GSG1L2: variants seen among roughly 807,000 people sequenced by gnomAD.
GSG1L2 encodes germ cell-specific gene 1-like protein 2.
GSG1L2 carries 15 observed loss-of-function variants against 9.0 expected under a neutral mutation model. That is an observed-to-expected ratio of 1.67 (90% CI 1.12 to 2.57). The LOEUF is 2.57. Ranked by LOEUF, GSG1L2 falls within the 30% of genes most tolerant of loss-of-function variation. GSG1L2 has a pLI of 0.00. For synonymous variants in GSG1L2, 127 were observed against 57.9 expected, an observed-to-expected ratio of 2.19 and a Z score of -5.41; for missense variants, 286 against 150.3, an observed-to-expected ratio of 1.90 and a Z score of -4.72.
At position 9,808,826 on chromosome 17, in the gene GSG1L2, G is replaced by A. The variant is rs115927330; in HGVS notation, c.511+4C>T. On this transcript the variant is annotated splice_donor_region_variant and intron_variant, in intron 3 of 4. Transcript: ENST00000399363. ...CCTGTTCCAAGGATGCTGTTGGAAA[G>A]TACCTGCCAGCACCATGAAGATGGC... is the stretch of plus-strand genomic sequence containing the variant. The A allele has an allele frequency of 2.2e-3, 1,561 of 702,828 alleles. 21 individuals are homozygous for A. In the African/African-American group the frequency reaches 0.024, roughly 11 times the overall value. The allele number at this position is 702,828 out of a possible 1,614,324, so 43.5% of individuals were successfully genotyped here. A position where few individuals can be genotyped will look rare whatever the true frequency, so the allele number is the denominator to read the frequency against.
rs2066527948 is a variant in GSG1L2, at chr17:9,809,072, C to T, written c.359-90G>A. ...TCCTTTGATTTAGTTCACTTCTAAA[C>T]AAAACATGAAAAACAGACACGCTGG... On this transcript the variant is annotated intron_variant, in intron 2 of 4. Coordinates refer to ENST00000399363, the MANE Select transcript of GSG1L2 (RefSeq NM_001310219.2). 15 of 657,274 alleles carry T rather than the reference C, an allele frequency of 2.3e-5. No homozygotes were observed. The South Asian group carries it at 2.5e-4, about 11-fold the overall frequency. 40.7% of individuals were successfully genotyped at this position (657,274 alleles called of 1,614,324 possible).
chr17:9,820,772 C>A lies in GSG1L2; in HGVS notation c.310+990G>T, dbSNP rs1402490987. 6.6e-6 allele frequency among the ~76,000 whole-genome samples: 1 copy of A among 151,978 alleles called. No individual in the cohort carries two copies. The highest frequency in any genetic ancestry group is 2.4e-5 in the African/African-American group (1 of 41,370). ...CAACCTCCCAGGCTCAAGTGATCCTCCCAGAGTAGCTGGGACCACAGGCAC... is the reference window on the plus strand; with the variant it reads ...CAACCTCCCAGGCTCAAGTGATCCTACCAGAGTAGCTGGGACCACAGGCAC... On this transcript the variant is annotated intron_variant, in intron 1 of 4. Coordinates refer to ENST00000399363, the MANE Select transcript of GSG1L2 (RefSeq NM_001310219.2). This position sits in a 1 kb window ranked among gnomAD's most constrained non-coding sequence, Gnocchi z 4.9.
Position 9,820,471 on chromosome 17 carries a change from G to C in GSG1L2, c.310+1291C>G, listed in dbSNP as rs1432548526. ...AGGAAGATAGCACTCCCTGAGAAGC[G>C]AGGAACTGTGGAGGTCCTAAATAGC... On this transcript the variant is annotated intron_variant, in intron 1 of 4. Coordinates refer to ENST00000399363, the MANE Select transcript of GSG1L2 (RefSeq NM_001310219.2). The surrounding 1 kb of genome is among the most constrained non-coding windows in gnomAD (Gnocchi z 4.9). Among the ~76,000 whole-genome samples the C allele has an allele frequency of 1.8e-5, 2 of 109,626 alleles. No individual in the cohort carries two copies. The highest frequency in any genetic ancestry group is 3.4e-5 in the Non-Finnish European group (2 of 59,654). 71.9% of individuals were successfully genotyped at this position (109,626 alleles called of 152,430 possible). A position where few individuals can be genotyped will look rare whatever the true frequency, so the allele number is the denominator to read the frequency against.
chr17:9,816,854 A>G (rs1210952783), intron 1 of GSG1L2, among the ~76,000 whole-genome samples: 6 of 56,824 alleles, frequency 1.1e-4, no homozygotes, highest in Admixed American at 2.3e-4. Flanking sequence ...GTTTCTGTGT[A>G]TCTGTATGTG....
At chr17:9,807,273 A>C (rs1227763456) in intron 4 of GSG1L2, among the ~76,000 whole-genome samples, 1 of 152,222 alleles carries the variant, frequency 6.6e-6, no homozygotes, top group Non-Finnish European at 1.5e-5. Flanking sequence ...TTATAAACAT[A>C]ATCTCTTTAA....
At chr17:9,802,831 T>C (rs1293150413) in intron 4 of GSG1L2, among the ~76,000 whole-genome samples, 187 bp from the exon 5 acceptor site, 1 of 152,046 alleles carries the variant, frequency 6.6e-6, no homozygotes, top group Non-Finnish European at 1.5e-5. Context: ...GTTAAGAGAA[T>C]GGATTCTGGA....
intron 1 of GSG1L2, among the ~76,000 whole-genome samples, chr17:9,816,528 C>G (rs779691706): frequency 6.4e-4 from 30 of 46,538 alleles, no homozygotes; most frequent in Middle Eastern, 0.029. Flanking sequence ...GTGTCTGTGT[C>G]TCTGTGTGCA....
chr17:9,816,522 CTG>C (rs1491196761), intron 1 of GSG1L2, among the ~76,000 whole-genome samples: 9 of 140,664 alleles, frequency 6.4e-5, no homozygotes. Flanking sequence ...GTGTGCGTGT[CTG>C]TGTCTCTGTG....
In GSG1L2 at chr17:9,802,269, A is replaced by T. The variant is rs76449463; in HGVS notation, c.*117T>A. ...AAAGGTGAGATGTGGAGGGGTGGGG[A>T]TGGAAGCTTTCCCTGGACAACAATC... is the stretch of plus-strand genomic sequence containing the variant. On this transcript the variant is annotated 3_prime_UTR_variant, in exon 5 of 5. Transcript: ENST00000399363. The T allele has an allele frequency of 6.2e-3, 3,547 of 575,522 alleles. 122 individuals carry two copies. The East Asian group carries it at 0.089, about 14-fold the overall frequency. 35.7% of individuals were successfully genotyped at this position (575,522 alleles called of 1,614,324 possible).
At chr17:9,808,290 A>T (rs554797712) in intron 3 of GSG1L2, among the ~76,000 whole-genome samples, 35 of 152,296 alleles carry the variant, frequency 2.3e-4, no homozygotes, top group Non-Finnish European at 4.1e-4. Flanking sequence ...GAGAACACAG[A>T]AGTAGATCTA....
Position 9,802,501 on chromosome 17 carries a change from T to G in GSG1L2, c.767A>C (p.Glu256Ala). The G allele has an allele frequency of 2.8e-6, 2 of 702,442 alleles. No individual in the cohort carries two copies. Among genetic ancestry groups the G allele is most frequent in the East Asian group, 5.4e-5 (2 of 37,242 alleles). 43.5% of individuals were successfully genotyped at this position (702,442 alleles called of 1,614,324 possible). ...TGTTTTCCAAATGCTCTCCGAAGCC[T>G]CGGGTTCCAGGAAGCTGTGTTGAGA... ...RHSQHSFLEP[E>A]ASESIWKTGA... Residue 256 changes from glutamate to alanine, a missense_variant, in exon 5 of 5, where the codon GAG (glutamate) becomes GCG (alanine). Coordinates refer to ENST00000399363, the MANE Select transcript of GSG1L2 (RefSeq NM_001310219.2).
intron 1 of GSG1L2, among the ~76,000 whole-genome samples, chr17:9,817,001 T>C (rs565175457): frequency 2.2e-4 from 34 of 151,934 alleles, no homozygotes; most frequent in South Asian, 1.7e-3. Context: ...GGAAGGAACC[T>C]GAAAGAGCCT....
chr17:9,816,490 GTGTCTGTGTGTGCC>G (rs923097659), intron 1 of GSG1L2, among the ~76,000 whole-genome samples: 1 of 122,964 alleles, frequency 8.1e-6, no homozygotes, highest in Non-Finnish European at 1.7e-5. Context: ...GTGTGTGCAT[GTGTCTGTGTGTGCC>G]TGTCTGTGTG....
intron 2 of GSG1L2, 45 bp downstream of exon 2, chr17:9,810,526 A>C (rs1386577768): frequency 1.4e-6 from 1 of 700,148 alleles, no homozygotes. Flanking sequence ...AAATAGTCCA[A>C]GCTATGAGGA....
intron 1 of GSG1L2, among the ~76,000 whole-genome samples, chr17:9,812,296 A>G (rs1435228199): frequency 6.6e-6 from 1 of 152,080 alleles, no homozygotes; most frequent in Non-Finnish European, 1.5e-5. Context: ...GAAAACCCCA[A>G]GTAATTTAAT....
At position 9,801,222 on chromosome 17, in the gene GSG1L2, TTTTGAGACAGG is replaced by T. The variant is rs1338515684; in HGVS notation, c.*1153_*1163del. On this transcript the variant is annotated 3_prime_UTR_variant, in exon 5 of 5. Coordinates refer to ENST00000399363, the MANE Select transcript of GSG1L2 (RefSeq NM_001310219.2). ...TTTCTTTTCTTTTTCTTTTTCTTTT[TTTTGAGACAGG>T]GTCTCACTCTATTGCCCAGGCTGGA... 3.9e-5 allele frequency among the ~76,000 whole-genome samples: 6 copies of T among 152,148 alleles called. No homozygotes were observed. Among genetic ancestry groups the T allele is most frequent in the Non-Finnish European group, 8.8e-5 (6 of 68,034 alleles).
intron 1 of GSG1L2, among the ~76,000 whole-genome samples, chr17:9,812,431 C>T (rs1376347524): frequency 6.6e-6 from 1 of 152,100 alleles, no homozygotes; most frequent in African/African-American, 2.4e-5. Flanking sequence ...ATCTTTTTGC[C>T]TCCCCAGCAC....
intron 4 of GSG1L2, chr17:9,805,424 G>C (rs745698025): frequency 1.3e-5 from 2 of 152,174 alleles, no homozygotes; most frequent in Non-Finnish European, 2.9e-5. Flanking sequence ...TTGGACTCTT[G>C]ACAGAAACTA....
At chr17:9,805,837 T>A (rs527298154) in intron 4 of GSG1L2, among the ~76,000 whole-genome samples, 27 of 152,288 alleles carry the variant, frequency 1.8e-4, no homozygotes, top group South Asian at 1.2e-3. Context: ...TGCTTTTGGT[T>A]GCTTGCTTTC....
Sources: gnomAD v4.1 joint callset for allele counts (sites outside exome capture counted in the v4.1 genomes callset) on GRCh38, gnomAD v4.1.1 for gene constraint, Gnocchi (gnomAD v3.1) non-coding constraint, MANE v1.5 for transcripts, NCBI Gene and HGNC (gene_info 2026-07-23, HGNC 2026-07-21) for gene names.